AMPD3: variants seen among roughly 807,000 people sequenced by gnomAD.
AMPD3 encodes the protein adenosine monophosphate deaminase 3.
In AMPD3, 57 loss-of-function variants were observed where a neutral mutation model predicts 82.3. The ratio of observed to expected loss-of-function variants is 0.69; its 90% CI spans 0.56 to 0.86. The LOEUF (loss-of-function observed/expected upper bound fraction) is 0.86, where lower values mean the gene tolerates loss of function less well. AMPD3 is among the 40% of genes least tolerant of loss of function. The probability of loss-of-function intolerance (pLI) is 0.00; values close to 1 mark genes in which losing one functional copy is unlikely to be tolerated. For synonymous variants in AMPD3, 381 were observed against 394.7 expected (o/e 0.97, Z 0.41); for missense variants, 870 against 1,003.8 (o/e 0.87, Z 1.80).
At position 10,504,627 on chromosome 11, in the gene AMPD3, A is replaced by T; in HGVS notation, c.2095A>T (p.Asn699Tyr). The T allele has an allele frequency of 6.2e-7, 1 of 1,614,174 alleles. No homozygotes were observed. Among genetic ancestry groups the T allele is most frequent in the South Asian group, 1.1e-5 (1 of 91,084 alleles). ...STCDLCEIAR[N>Y]SVLQSGLSHQ... ...CTGCGACCTGTGTGAGATCGCCAGG[A>T]ACAGCGTGCTGCAGAGCGGCCTCTC... Residue 699 changes from asparagine (N) to tyrosine (Y), a missense_variant, in exon 14 of 15, where the codon AAC becomes TAC. By Grantham distance (143) the Asn-to-Tyr change is moderately radical. Coordinates refer to ENST00000396553, the MANE Select transcript of AMPD3 (RefSeq NM_001025389.2).
At chr11:10,505,348 C>G in intron 14 of AMPD3, 14 of 975,428 alleles carry the variant, frequency 1.4e-5, no homozygotes, top group Non-Finnish European at 1.7e-5. Flanking sequence ...ATTGGCCCTC[C>G]CCAGGAACAT....
intron 10 of AMPD3, among the ~76,000 whole-genome samples, chr11:10,498,694 A>G (rs1849491552): frequency 6.6e-6 from 1 of 152,176 alleles, no homozygotes; most frequent in South Asian, 2.1e-4. Flanking sequence ...TGCTGCCCCC[A>G]TAGGAACAGG....
At chr11:10,484,653 G>T (rs1327058288) in intron 4 of AMPD3, 167 bp from the exon 5 acceptor site, 52 of 661,412 alleles carry the variant, frequency 7.9e-5, no homozygotes, top group Non-Finnish European at 9.2e-5. Context: ...TGACATGGTG[G>T]TAAGTGCTGA....
chr11:10,473,200 C>G (rs1194102517), intron 2 of AMPD3, among the ~76,000 whole-genome samples: 2 of 152,070 alleles, frequency 1.3e-5, no homozygotes, highest in South Asian at 2.1e-4. Context: ...AACCCAGGAG[C>G]TGGAGGTTGC....
chr11:10,500,834 C>T, intron 11 of AMPD3: 1 of 985,388 alleles, frequency 1.0e-6, no homozygotes, highest in Non-Finnish European at 1.2e-6. Context: ...AGTTAGCTGC[C>T]CAGGGCAGCA....
intron 4 of AMPD3, among the ~76,000 whole-genome samples, chr11:10,482,989 G>A (rs1848958544): frequency 1.3e-5 from 2 of 152,106 alleles, no homozygotes; most frequent in Non-Finnish European, 2.9e-5. Context: ...CAATTTCTTG[G>A]GATTTTGGGA....
At chr11:10,461,295 C>T (rs1848262370) in intron 1 of AMPD3, 2 of 1,530,218 alleles carry the variant, frequency 1.3e-6, no homozygotes, top group Non-Finnish European at 1.8e-6. Flanking sequence ...ATTTTGAACA[C>T]TTGCTTTCTC....
At chr11:10,471,547 C>T (rs1449403847) in intron 2 of AMPD3, among the ~76,000 whole-genome samples, 1 of 152,222 alleles carries the variant, frequency 6.6e-6, no homozygotes, top group Non-Finnish European at 1.5e-5. Context: ...TTTTTTCAAT[C>T]TATCCATCTG....
chr11:10,504,666 A>C lies in AMPD3; in HGVS notation c.2127+7A>C. 1 of 1,613,178 alleles carries C rather than the reference A, an allele frequency of 6.2e-7. No individual in the cohort carries two copies. Among genetic ancestry groups the C allele is most frequent in the East Asian group, 2.2e-5 (1 of 44,868 alleles). Reference sequence around the variant, plus strand: ...GAGCGGCCTCTCGCATCAGGTATGGAGTGTGACGGTGCTGCCTGTGTCCCT... The same window carrying C: ...GAGCGGCCTCTCGCATCAGGTATGGCGTGTGACGGTGCTGCCTGTGTCCCT... On this transcript the variant is annotated splice_region_variant and intron_variant, in intron 14 of 14. Coordinates refer to ENST00000396553, the MANE Select transcript of AMPD3 (RefSeq NM_001025389.2).
At chr11:10,465,307 T>C (rs537653345) in intron 2 of AMPD3, among the ~76,000 whole-genome samples, 62 of 152,308 alleles carry the variant, frequency 4.1e-4, no homozygotes, top group Non-Finnish European at 7.9e-4. Context: ...TCCTGGGTCA[T>C]TGAGAAAACT....
chr11:10,491,210 G>C (rs892954722), intron 6 of AMPD3, among the ~76,000 whole-genome samples: 1 of 152,212 alleles, frequency 6.6e-6, no homozygotes, highest in African/African-American at 2.4e-5. Context: ...TGAGGCTGCT[G>C]TCGTCCTCCC....
chr11:10,475,604 C>T (rs1848715672), intron 2 of AMPD3, among the ~76,000 whole-genome samples: 1 of 152,126 alleles, frequency 6.6e-6, no homozygotes, highest in Non-Finnish European at 1.5e-5. Context: ...GTTATCACTC[C>T]TGTGATGATG....
At chr11:10,466,865 G>C (rs186259118) in intron 2 of AMPD3, among the ~76,000 whole-genome samples, 162 of 152,350 alleles carry the variant, frequency 1.1e-3, no homozygotes, top group African/African-American at 3.4e-3. Context: ...AGTCTTTGCT[G>C]TTCTGCAGCC....
chr11:10,479,507 T>A (rs1848841316), intron 3 of AMPD3, among the ~76,000 whole-genome samples: 1 of 152,218 alleles, frequency 6.6e-6, no homozygotes, highest in Non-Finnish European at 1.5e-5. Flanking sequence ...CTTTCAAAAA[T>A]TTTTTTGGTT....
chr11:10,497,661 T>C (rs1262182751), intron 10 of AMPD3: 1 of 985,194 alleles, frequency 1.0e-6, no homozygotes, highest in Non-Finnish European at 1.2e-6. Flanking sequence ...ATCATCAAAT[T>C]TATGTTTTAG....
chr11:10,484,169 T>C (rs1848996404), intron 4 of AMPD3: 1 of 877,714 alleles, frequency 1.1e-6, no homozygotes, highest in Non-Finnish European at 1.4e-6. Flanking sequence ...AGGAGTTTGC[T>C]GAAAGTCTCA....
chr11:10,501,037 G>A, intron 11 of AMPD3: 5 of 985,422 alleles, frequency 5.1e-6, no homozygotes, highest in Non-Finnish European at 6.0e-6. Context: ...TGGGGGCTCT[G>A]GTTCTGGCTT....
At chr11:10,503,724 A>C (rs1187210898) in intron 13 of AMPD3, among the ~76,000 whole-genome samples, 1 of 152,148 alleles carries the variant, frequency 6.6e-6, no homozygotes, top group Non-Finnish European at 1.5e-5. Context: ...TTTGTTTTGC[A>C]TTTTTAAGCC....
At chr11:10,500,870 C>T (rs1849560467) in intron 11 of AMPD3, 2 of 985,352 alleles carry the variant, frequency 2.0e-6, no homozygotes, top group African/African-American at 1.7e-5. Context: ...CCCTTCCCTA[C>T]AAGTCTTGCA....
Sources: gnomAD v4.1 joint callset for allele counts (sites outside exome capture counted in the v4.1 genomes callset) on GRCh38, gnomAD v4.1.1 for gene constraint, MANE v1.5 for transcripts, NCBI Gene and HGNC (gene_info 2026-07-23, HGNC 2026-07-21) for gene names.